The following CRIM1 variants were observed in gnomAD, a reference collection of about 807,000 sequenced individuals.
CRIM1 encodes the protein cysteine rich transmembrane BMP regulator 1.
Under a neutral mutation model 116.4 loss-of-function variants are expected in CRIM1, and 32 were observed. The ratio of observed to expected loss-of-function variants is 0.27; its 90% CI spans 0.21 to 0.37. The LOEUF (loss-of-function observed/expected upper bound fraction) is 0.37, where lower values mean the gene tolerates loss of function less well. Among genes scored for constraint, CRIM1 ranks in the 10% least tolerant of loss-of-function variants. The pLI is 1.00. For synonymous variants in CRIM1, 590 were observed against 509.2 expected, an observed-to-expected ratio of 1.16 and a Z score of -2.13; for missense variants, 1,331 against 1,354.8, an observed-to-expected ratio of 0.98 and a Z score of 0.28.
At chr2:36,454,658 T>C (rs1351119203) in intron 4 of CRIM1, among the ~76,000 whole-genome samples, 1 of 152,238 alleles carries the variant, frequency 6.6e-6, no homozygotes, top group Non-Finnish European at 1.5e-5. Context: ...TGCCCCTTTT[T>C]TTCTATTTTT....
At chr2:36,496,949 G>C (rs1680643337) in intron 7 of CRIM1, among the ~76,000 whole-genome samples, 1 of 152,248 alleles carries the variant, frequency 6.6e-6, no homozygotes, top group Middle Eastern at 3.4e-3. Flanking sequence ...ATCATTTAGA[G>C]GTAGAAGATC....
intron 2 of CRIM1, among the ~76,000 whole-genome samples, chr2:36,415,657 T>G (rs796828503): frequency 1.2e-4 from 18 of 152,284 alleles, no homozygotes; most frequent in African/African-American, 4.3e-4. Flanking sequence ...CAAGGCTAGC[T>G]GGGGGAAATG....
chr2:36,426,152 A>G (rs1411565236), intron 2 of CRIM1, among the ~76,000 whole-genome samples: 2 of 152,262 alleles, frequency 1.3e-5, no homozygotes, highest in Non-Finnish European at 2.9e-5. Context: ...AAAAGCCGGC[A>G]TGCTGTATTT....
At chr2:36,378,470 A>C (rs1401610349) in intron 1 of CRIM1, 1 of 466,676 alleles carries the variant, frequency 2.1e-6, no homozygotes, top group Non-Finnish European at 4.5e-6. Context: ...GCCACCATTC[A>C]TTCTGAGGTG....
chr2:36,519,491 C>G (rs1572915261), intron 12 of CRIM1, among the ~76,000 whole-genome samples: 1 of 152,138 alleles, frequency 6.6e-6, no homozygotes, highest in Non-Finnish European at 1.5e-5. Flanking sequence ...AAATAAAAAG[C>G]CTTAAAACTC....
rs75011392 is a variant in CRIM1 at position 36,509,955 on chromosome 2, G to A, written c.1502-28G>A. 242 of 1,606,242 alleles carry A rather than the reference G, an allele frequency of 1.5e-4. No individual in the cohort carries two copies. The African/African-American group carries it at 2.7e-3, about 18-fold the overall frequency. On this transcript the variant is annotated intron_variant, in intron 8 of 16. Coordinates refer to ENST00000280527, the MANE Select transcript of CRIM1 (RefSeq NM_016441.3). Reference sequence around the variant, plus strand: ...TGTTCTGCTCTGTTCATCTTTGGAAGAAACATGCCGTCTCTGTGTCTTCAC... The same window carrying A: ...TGTTCTGCTCTGTTCATCTTTGGAAAAAACATGCCGTCTCTGTGTCTTCAC...
intron 1 of CRIM1, among the ~76,000 whole-genome samples, chr2:36,387,604 G>C (rs1171626108): frequency 1.3e-5 from 2 of 152,170 alleles, no homozygotes; most frequent in Admixed American, 1.3e-4. Context: ...ACAAAGTGCA[G>C]CTAGGAAAAC....
intron 2 of CRIM1, among the ~76,000 whole-genome samples, chr2:36,415,749 C>A (rs989762089): frequency 2.6e-5 from 4 of 152,188 alleles, no homozygotes; most frequent in African/African-American, 4.8e-5. Context: ...TTCCTCCATC[C>A]CCTAACTGAG....
At chr2:36,489,185 T>C (rs988361646) in intron 7 of CRIM1, among the ~76,000 whole-genome samples, 2 of 152,220 alleles carry the variant, frequency 1.3e-5, no homozygotes, top group African/African-American at 4.8e-5. Context: ...CCTGTGCCTT[T>C]GTGCCTTGCA....
chr2:36,491,917 G>C (rs1680253994), intron 7 of CRIM1, among the ~76,000 whole-genome samples: 1 of 152,114 alleles, frequency 6.6e-6, no homozygotes, highest in South Asian at 2.1e-4. Flanking sequence ...TGTAAGACAA[G>C]TATAAAAGAT....
At chr2:36,515,951 C>G (rs1665005582) in intron 11 of CRIM1, among the ~76,000 whole-genome samples, 1 of 152,210 alleles carries the variant, frequency 6.6e-6, no homozygotes. Flanking sequence ...TCTTGTTCAG[C>G]ACAGTTTTCA....
chr2:36,530,850 C>A (rs1223952321), intron 13 of CRIM1, among the ~76,000 whole-genome samples: 1 of 152,200 alleles, frequency 6.6e-6, no homozygotes, highest in Admixed American at 6.5e-5. Flanking sequence ...CGCGTCTTTT[C>A]CAGACACTGG....
intron 15 of CRIM1, among the ~76,000 whole-genome samples, chr2:36,546,434 A>AAAAGT (rs1444315005): frequency 1.3e-5 from 2 of 152,198 alleles, no homozygotes; most frequent in Non-Finnish European, 2.9e-5. Context: ...CAAGTTTATG[A>AAAAGT]AAAGTAAGAC....
chr2:36,548,999 T>G lies in CRIM1; in HGVS notation c.*298T>G. 1 of 181,254 alleles carries G rather than the reference T, an allele frequency of 5.5e-6. No individual in the cohort carries two copies. The highest frequency in any genetic ancestry group is 1.1e-5 in the Non-Finnish European group (1 of 87,030). The allele number at this position is 181,254 out of a possible 1,614,324, so 11.2% of individuals were successfully genotyped here. ...TTGGGGTGGGGACAGTGAGTTTGGA[T>G]GGGGAAATGGGTGGGAGGGTGGTGT... On this transcript the variant is annotated 3_prime_UTR_variant, in exon 17 of 17. Transcript: ENST00000280527.
intron 2 of CRIM1, among the ~76,000 whole-genome samples, chr2:36,427,466 T>TGA (rs1447546300): frequency 3.9e-5 from 6 of 152,218 alleles, no homozygotes; most frequent in African/African-American, 1.4e-4. Context: ...CATGGCAGCA[T>TGA]GAGAGGGTCT....
intron 4 of CRIM1, among the ~76,000 whole-genome samples, chr2:36,456,715 A>G (rs2124984983): frequency 6.6e-6 from 1 of 152,316 alleles, no homozygotes; most frequent in African/African-American, 2.4e-5. Context: ...CCCAGCTGTA[A>G]CATTTCAACA....
chr2:36,539,439 C>G (rs753076820), intron 14 of CRIM1, among the ~76,000 whole-genome samples: 5 of 152,140 alleles, frequency 3.3e-5, no homozygotes, highest in Admixed American at 6.5e-5. Flanking sequence ...CACAAAGGGT[C>G]TCGCAGATGA....
intron 8 of CRIM1, among the ~76,000 whole-genome samples, chr2:36,502,407 C>G (rs1288126848): frequency 6.6e-6 from 1 of 152,164 alleles, no homozygotes; most frequent in Non-Finnish European, 1.5e-5. Flanking sequence ...CTGAGTGCAC[C>G]TCTGTTTCAT....
chr2:36,463,062 C>G (rs1249961134), intron 4 of CRIM1, among the ~76,000 whole-genome samples: 1 of 152,192 alleles, frequency 6.6e-6, no homozygotes, highest in African/African-American at 2.4e-5. Context: ...ACCTGAATGA[C>G]CTAACACCCT....
Sources: allele counts gnomAD v4.1 joint callset (sites outside exome capture counted in the v4.1 genomes callset), GRCh38; gene constraint gnomAD v4.1.1; transcripts MANE v1.5; gene names NCBI Gene and HGNC (gene_info 2026-07-23, HGNC 2026-07-21).